The following NECAB1 variants were observed in gnomAD, a reference collection of about 807,000 sequenced individuals.
The protein encoded by NECAB1 is N-terminal EF-hand calcium-binding protein 1.
A neutral mutation model predicts 57.5 loss-of-function variants in NECAB1; 29 were observed. That is an observed-to-expected ratio of 0.50 (90% CI 0.38 to 0.69). NECAB1 has a LOEUF of 0.69. NECAB1 is among the 30% of genes least tolerant of loss of function. The probability of loss-of-function intolerance (pLI) is 0.00; values close to 1 mark genes in which losing one functional copy is unlikely to be tolerated. For synonymous variants in NECAB1, 142 were observed against 147.7 expected (o/e 0.96, Z 0.28); for missense variants, 372 against 413.8 (o/e 0.90, Z 0.88).
rs185088997 is a variant in NECAB1, at chr8:90,821,123, C to A, written c.125-3594C>A. On this transcript the variant is annotated intron_variant, in intron 2 of 12. Coordinates refer to ENST00000417640, the MANE Select transcript of NECAB1 (RefSeq NM_022351.5). The stretch of plus-strand genomic sequence containing the variant: ...AACTCCCAAGCATACACCTCAAGCC[C>A]CCATCGCCCATTGACTTTTCTAGAC... Among the ~76,000 whole-genome samples the A allele has an allele frequency of 3.3e-5, 5 of 151,870 alleles. No individual in the cohort carries two copies. The East Asian group carries it at 9.7e-4, about 30-fold the overall frequency.
At chr8:90,906,891 A>ATATATATATGTATGTATG (rs1809680511) in intron 5 of NECAB1, among the ~76,000 whole-genome samples, 36 of 113,408 alleles carry the variant, frequency 3.2e-4, no homozygotes, top group African/African-American at 6.8e-4. Flanking sequence ...ATATATATAT[A>ATATATATATGTATGTATG]TATATATATA....
At chr8:90,830,179 A>G (rs1445727586) in intron 3 of NECAB1, among the ~76,000 whole-genome samples, 1 of 152,104 alleles carries the variant, frequency 6.6e-6, no homozygotes, top group Non-Finnish European at 1.5e-5. Flanking sequence ...TCCAAAGAGC[A>G]TGGAGCACAA....
chr8:90,898,494 C>G (rs1809418221), intron 5 of NECAB1, among the ~76,000 whole-genome samples: 1 of 152,150 alleles, frequency 6.6e-6, no homozygotes, highest in African/African-American at 2.4e-5. Context: ...CTGACAGTCT[C>G]CAGAAGGCCT....
chr8:90,824,882 A>AT, intron 3 of NECAB1, 57 bp downstream of exon 3: 1 of 857,220 alleles, frequency 1.2e-6, no homozygotes, highest in Non-Finnish European at 1.8e-6. Context: ...GCGTGAATGC[A>AT]TTCATGTCCA....
At chr8:90,833,751 C>T (rs994639072) in intron 3 of NECAB1, among the ~76,000 whole-genome samples, 1 of 152,116 alleles carries the variant, frequency 6.6e-6, no homozygotes, top group African/African-American at 2.4e-5. Context: ...ACATGGTGCT[C>T]ACTTCGTGGA....
rs1174943491 is a variant in NECAB1 at position 90,875,871 on chromosome 8, G to A, written c.259+3718G>A. On this transcript the variant is annotated intron_variant, in intron 4 of 12. Transcript: ENST00000417640. ...AAAAAAAAAAAAAAAATTACCGGGCGTGGTGGCAGGCGCCTGTAGTCCCAG... is the reference window on the plus strand; with the variant it reads ...AAAAAAAAAAAAAAAATTACCGGGCATGGTGGCAGGCGCCTGTAGTCCCAG... Among the ~76,000 whole-genome samples the A allele has an allele frequency of 1.3e-4, 17 of 133,624 alleles. 1 individual carries two copies. In the South Asian group the frequency reaches 3.4e-3, roughly 27 times the overall value. 87.7% of individuals were successfully genotyped at this position (133,624 alleles called of 152,430 possible). A position where few individuals can be genotyped will look rare whatever the true frequency, so the allele number is the denominator to read the frequency against.
intron 4 of NECAB1, among the ~76,000 whole-genome samples, chr8:90,878,897 G>A (rs1177754296): frequency 6.7e-6 from 1 of 148,552 alleles, no homozygotes; most frequent in African/African-American, 2.5e-5. Context: ...ATTTTAAAAA[G>A]AGGCTTTACC....
chr8:90,868,083 CTCTT>C (rs61516205), intron 3 of NECAB1, among the ~76,000 whole-genome samples: 45,048 of 151,792 alleles, frequency 0.3, 7,268 homozygotes, highest in East Asian at 0.58. Flanking sequence ...TTCACTCTCT[CTCTT>C]TCTCCTGCTC....
chr8:90,862,579 A>G (rs916113723), intron 3 of NECAB1, among the ~76,000 whole-genome samples: 5 of 152,164 alleles, frequency 3.3e-5, no homozygotes, highest in Non-Finnish European at 7.4e-5. Context: ...CTGAAGGGAC[A>G]TATGCAGGCT....
At position 90,958,152 on chromosome 8, in the gene NECAB1, T is replaced by C. The variant is rs1811066351; in HGVS notation, c.*2640T>C. Reference sequence around the variant, plus strand: ...TTGCAGGAGATTTAATGTATAAAATTTCTAGGAATTAAAAGCTTAAACCCA... The same window carrying C: ...TTGCAGGAGATTTAATGTATAAAATCTCTAGGAATTAAAAGCTTAAACCCA... On this transcript the variant is annotated 3_prime_UTR_variant, in exon 13 of 13. Transcript: ENST00000417640. 1 of 151,266 alleles carries C rather than the reference T, an allele frequency of 6.6e-6. No homozygotes were observed. The highest frequency in any genetic ancestry group is 1.5e-5 in the Non-Finnish European group (1 of 67,538). 9.4% of individuals were successfully genotyped at this position (151,266 alleles called of 1,614,324 possible).
At chr8:90,899,538 C>A (rs1160603374) in intron 5 of NECAB1, among the ~76,000 whole-genome samples, 2 of 152,038 alleles carry the variant, frequency 1.3e-5, no homozygotes, top group Non-Finnish European at 2.9e-5. Flanking sequence ...AGAGATGGGA[C>A]CCAAAATTTA....
chr8:90,944,572 G>A (rs1032021137), intron 10 of NECAB1, among the ~76,000 whole-genome samples: 27 of 152,168 alleles, frequency 1.8e-4, no homozygotes, highest in African/African-American at 6.3e-4. Context: ...TGGTGTACAC[G>A]GTATGTTCTC....
At chr8:90,920,903 C>T (rs191265845) in intron 6 of NECAB1, among the ~76,000 whole-genome samples, 1 of 152,298 alleles carries the variant, frequency 6.6e-6, no homozygotes, top group Admixed American at 6.5e-5. Flanking sequence ...AGGAGTGCTA[C>T]ACAGGAGCAG....
chr8:90,851,538 C>A (rs917720943), intron 3 of NECAB1, among the ~76,000 whole-genome samples: 25 of 151,928 alleles, frequency 1.6e-4, no homozygotes, highest in Admixed American at 1.5e-3. Flanking sequence ...AAGGAAAAAC[C>A]CCATACATTT....
chr8:90,870,805 G>A (rs16905567), intron 3 of NECAB1, among the ~76,000 whole-genome samples: 64,239 of 152,006 alleles, frequency 0.42, 15,621 homozygotes, highest in East Asian at 0.77. Flanking sequence ...TGTGGCAGTT[G>A]GAATAATGCC....
chr8:90,836,169 C>G (rs1391629894), intron 3 of NECAB1, among the ~76,000 whole-genome samples: 1 of 152,104 alleles, frequency 6.6e-6, no homozygotes, highest in Non-Finnish European at 1.5e-5. Context: ...TGAGGAGTTT[C>G]TTTTTCCTGA....
chr8:90,950,198 G>A (rs1810897594), intron 11 of NECAB1, among the ~76,000 whole-genome samples: 1 of 151,964 alleles, frequency 6.6e-6, no homozygotes, highest in Non-Finnish European at 1.5e-5. Context: ...GGTGGGGGTG[G>A]AGAAAAAGGA....
At chr8:90,886,972 T>A (rs1390874005) in intron 5 of NECAB1, among the ~76,000 whole-genome samples, 1 of 152,206 alleles carries the variant, frequency 6.6e-6, no homozygotes, top group African/African-American at 2.4e-5. Context: ...TATTTTATAT[T>A]TTTGTTGTTT....
rs1167562806 is a variant in NECAB1 at position 90,872,154 on chromosome 8, G to GT, written c.259+2dup. The GT allele has an allele frequency of 1.3e-6, 2 of 1,547,882 alleles. No homozygotes were observed. Among genetic ancestry groups the GT allele is most frequent in the African/African-American group, 1.4e-5 (1 of 73,160 alleles). ...AATCTTGACACAGAAGAGCTATGTG[G>GT]TAAGTGTTTCTTTAAGATCAGTCAA... On this transcript the variant is annotated splice_donor_variant, in intron 4 of 12. Transcript: ENST00000417640. LOFTEE classifies it high-confidence loss of function.
Sources: gnomAD v4.1 joint callset for allele counts (sites outside exome capture counted in the v4.1 genomes callset) on GRCh38, gnomAD v4.1.1 for gene constraint, MANE v1.5 for transcripts, NCBI Gene and HGNC (gene_info 2026-07-23, HGNC 2026-07-21) for gene names.